The following ARVCF variants were observed in gnomAD, a reference collection of about 807,000 sequenced individuals.
ARVCF encodes the protein ARVCF delta catenin family member.
Under a neutral mutation model 90.9 loss-of-function variants are expected in ARVCF, and 66 were observed. The observed-to-expected ratio is 0.73, with a 90% confidence interval of 0.60 to 0.89. The LOEUF (loss-of-function observed/expected upper bound fraction) is 0.89. Among genes scored for constraint, ARVCF ranks in the 40% least tolerant of loss-of-function variants. ARVCF has a pLI of 0.00. For missense variants in ARVCF, 1,469 were observed against 1,382.3 expected, an observed-to-expected ratio of 1.06 and a Z score of -1.00; for synonymous variants, 653 against 603.4, an observed-to-expected ratio of 1.08 and a Z score of -1.21.
At position 19,970,674 on chromosome 22, in the gene ARVCF, G is replaced by C; in HGVS notation, c.*82C>G. 1 of 1,286,462 alleles carries C rather than the reference G, an allele frequency of 7.8e-7. No homozygotes were observed. 79.7% of individuals were successfully genotyped at this position (1,286,462 alleles called of 1,614,324 possible). A position where few individuals can be genotyped will look rare whatever the true frequency, so the allele number is the denominator to read the frequency against. ...GCCGCCAGGGGGCTCCAAGCTCCAC[G>C]GCACGATCTGCTCAGGGTGGCCCTT... On this transcript the variant is annotated 3_prime_UTR_variant, in exon 20 of 20. Coordinates refer to ENST00000263207, the MANE Select transcript of ARVCF (RefSeq NM_001670.3).
At chr22:19,981,013 T>G (rs1195534108) in intron 5 of ARVCF, 198 bp downstream of exon 5, 5 of 655,906 alleles carry the variant, frequency 7.6e-6, no homozygotes, top group Non-Finnish European at 1.2e-5. Context: ...GCCCTGGGCC[T>G]GCAGGACAGT....
intron 2 of ARVCF, among the ~76,000 whole-genome samples, chr22:19,998,927 A>T (rs1944350639): frequency 6.6e-6 from 1 of 152,188 alleles, no homozygotes; most frequent in Non-Finnish European, 1.5e-5. Context: ...CCCAGGGGGA[A>T]ATGTCACTGG....
At chr22:19,994,636 G>C (rs1257177590) in intron 2 of ARVCF, among the ~76,000 whole-genome samples, 2 of 84,784 alleles carry the variant, frequency 2.4e-5, no homozygotes, top group Non-Finnish European at 4.6e-5. Flanking sequence ...GGGGATGGTG[G>C]AGGATGAACA....
At chr22:19,967,078 T>G (rs2146188676), downstream of ARVCF, 1 of 1,228,454 alleles carries the variant, frequency 8.1e-7, no homozygotes. Flanking sequence ...ACCAGTTTCG[T>G]AAAGGAGTGG....
intron 1 of ARVCF, among the ~76,000 whole-genome samples, chr22:20,013,543 C>G (rs777151205): frequency 6.6e-6 from 1 of 152,244 alleles, no homozygotes; most frequent in Non-Finnish European, 1.5e-5. Flanking sequence ...CCTGGTCTGC[C>G]GCAGGAAGCT....
Position 19,990,780 on chromosome 22 carries a change from A to G in ARVCF, c.15T>C (p.Asn5=). 3.8e-6 allele frequency: 6 copies of G among 1,572,586 alleles called. No homozygotes were observed. Among genetic ancestry groups the G allele is most frequent in the Non-Finnish European group, 5.2e-6 (6 of 1,158,302 alleles). ...CCAGGATGCTGGCGGCCGAGTGCACATTGCAGTCCTCCATGACCAGAGCGC... is the reference window on the plus strand; with the variant it reads ...CCAGGATGCTGGCGGCCGAGTGCACGTTGCAGTCCTCCATGACCAGAGCGC... The part of the protein sequence containing the change: MEDC[N]VHSAASILAS... The change falls in exon 3 of 20, where the codon AAT becomes AAC. Residue 5 remains asparagine, a synonymous_variant. Transcript: ENST00000263207.
At chr22:20,010,097 G>A (rs1318115895) in intron 2 of ARVCF, among the ~76,000 whole-genome samples, 1 of 152,196 alleles carries the variant, frequency 6.6e-6, no homozygotes, top group African/African-American at 2.4e-5. Context: ...AATACTGGAT[G>A]CCACTGCGGC....
chr22:19,981,568 CGA>C lies in ARVCF; in HGVS notation c.537_538del (p.Arg180SerfsTer44), dbSNP rs774457182. On this transcript the variant is annotated frameshift_variant, in exon 5 of 20. Coordinates refer to ENST00000263207, the MANE Select transcript of ARVCF (RefSeq NM_001670.3). LOFTEE classifies it high-confidence loss of function. Reference sequence around the variant, plus strand: ...GCCACCCCCACTGCTGAGGTAGGCTCGAGAGAGTGTGGCCACTGGGCCACCAC... The same window carrying C: ...GCCACCCCCACTGCTGAGGTAGGCTCGAGAGTGTGGCCACTGGGCCACCAC... 3.1e-6 allele frequency: 5 copies of C among 1,603,640 alleles called. No homozygotes were observed. The highest frequency in any genetic ancestry group is 2.2e-5 in the South Asian group (2 of 90,602).
intron 1 of ARVCF, among the ~76,000 whole-genome samples, 153 bp downstream of exon 1, chr22:20,016,436 C>G (rs1483117945): frequency 6.6e-6 from 1 of 152,126 alleles, no homozygotes; most frequent in African/African-American, 2.4e-5. Flanking sequence ...ACGTCCGGCC[C>G]AGACCCTCGC....
intron 16 of ARVCF, 76 bp from the exon 17 acceptor site, chr22:19,972,487 G>A (rs1298363833): frequency 1.8e-5 from 28 of 1,563,682 alleles, no homozygotes; most frequent in Non-Finnish European, 2.5e-5. Flanking sequence ...ACACAGGGCT[G>A]GCCCAGGTAG....
chr22:19,979,051 G>C lies in ARVCF; in HGVS notation c.1426C>G (p.Pro476Ala), dbSNP rs768875884. The C allele has an allele frequency of 6.2e-7, 1 of 1,613,266 alleles. No individual in the cohort carries two copies. Among genetic ancestry groups the C allele is most frequent in the Non-Finnish European group, 8.5e-7 (1 of 1,179,850 alleles). ...TGGTCAATGATGACCATCTTCAGGG[G>C]CTCATAGGATGACAGGTTCCACAGG... ...GTLWNLSSYE[P>A]LKMVIIDHGL... The change falls in exon 7 of 20, where the codon CCC becomes GCC. Residue 476 changes from proline to alanine, a missense_variant. Transcript: ENST00000263207.
chr22:19,986,695 G>A (rs1185638136), intron 3 of ARVCF: 2 of 212,166 alleles, frequency 9.4e-6, no homozygotes, highest in Non-Finnish European at 9.3e-6. Flanking sequence ...TGCACAGACA[G>A]AAGCCGCTCA....
At position 19,970,150 on chromosome 22, in the gene ARVCF, G is replaced by C; in HGVS notation, c.*606C>G. ...GAGAAAGGCTCTCTACTGCACAGGG[G>C]CCTCACGTGACTGCAGGGCTCTGGG... On this transcript the variant is annotated 3_prime_UTR_variant, in exon 20 of 20. Coordinates refer to ENST00000263207, the MANE Select transcript of ARVCF (RefSeq NM_001670.3). 1 of 986,606 alleles carries C rather than the reference G, an allele frequency of 1.0e-6. No individual in the cohort carries two copies. Among genetic ancestry groups the C allele is most frequent in the Non-Finnish European group, 1.2e-6 (1 of 830,778 alleles). 61.1% of individuals were successfully genotyped at this position (986,606 alleles called of 1,614,324 possible). A position where few individuals can be genotyped will look rare whatever the true frequency, so the allele number is the denominator to read the frequency against.
At chr22:20,012,532 T>A (rs1370820419) in intron 1 of ARVCF, among the ~76,000 whole-genome samples, 1 of 152,222 alleles carries the variant, frequency 6.6e-6, no homozygotes, top group Non-Finnish European at 1.5e-5. Flanking sequence ...CTCTGCAAGC[T>A]CTGGGGTCAC....
chr22:19,984,559 T>C (rs1943664318), intron 3 of ARVCF, among the ~76,000 whole-genome samples: 1 of 152,142 alleles, frequency 6.6e-6, no homozygotes, highest in South Asian at 2.1e-4. Flanking sequence ...CTGCTACACA[T>C]GCCCAGGCAC....
chr22:19,979,817 T>G lies in ARVCF; in HGVS notation c.1322A>C (p.Asp441Ala). ...CACCAGGGCAGGCACACCACCGCAG[T>G]CCCGGATGGCGGCCTTGTTGTCAGT... Reference protein sequence around the residue: ...RDTDNKAAIRDCGGVPALVRL... With the variant: ...RDTDNKAAIRACGGVPALVRL... Residue 441 changes from aspartate to alanine, a missense_variant, in exon 6 of 20, where the codon GAC becomes GCC. Transcript: ENST00000263207. 1 of 1,609,828 alleles carries G rather than the reference T, an allele frequency of 6.2e-7. No individual in the cohort carries two copies. The highest frequency in any genetic ancestry group is 1.1e-5 in the South Asian group (1 of 90,524).
At position 19,980,154 on chromosome 22, in the gene ARVCF, C is replaced by T. The variant is rs564006969; in HGVS notation, c.985G>A (p.Glu329Lys). Residue 329 changes from glutamate (E) to lysine (K), a missense_variant, in exon 6 of 20, where the codon GAA becomes AAA. Physicochemically the swap from Glu to Lys is moderately conservative, Grantham distance 56. Coordinates refer to ENST00000263207, the MANE Select transcript of ARVCF (RefSeq NM_001670.3). ...TCCAGGCTGCCCATGCTGCCCCGTT[C>T]AGGCTGGGCCAGGGGCGCCGTCACC... ...PMVTAPLAQP[E>K]RGSMGSLDRL... 1.3e-5 allele frequency: 20 copies of T among 1,586,854 alleles called. No individual in the cohort carries two copies. The African/African-American group carries it at 2.7e-4, about 21-fold the overall frequency.
intron 2 of ARVCF, among the ~76,000 whole-genome samples, chr22:20,008,984 GT>G (rs1186141239): frequency 6.6e-6 from 1 of 152,200 alleles, no homozygotes; most frequent in African/African-American, 2.4e-5. Context: ...GAGTGAGCAA[GT>G]GTGCCTGGGC....
At chr22:20,001,773 C>T (rs1032245920) in intron 2 of ARVCF, among the ~76,000 whole-genome samples, 1 of 151,842 alleles carries the variant, frequency 6.6e-6, no homozygotes, top group Non-Finnish European at 1.5e-5. Context: ...GCCTGGGCAA[C>T]AAAAGCAAAA....
Sources: allele counts gnomAD v4.1 joint callset (sites outside exome capture counted in the v4.1 genomes callset), GRCh38; gene constraint gnomAD v4.1.1; transcripts MANE v1.5; gene names NCBI Gene and HGNC (gene_info 2026-07-23, HGNC 2026-07-21).